Variants in KCNH1 observed in about 807,000 individuals in gnomAD.
KCNH1 encodes the protein voltage-gated delayed rectifier potassium channel KCNH1.
Under a neutral mutation model 69.2 loss-of-function variants are expected in KCNH1, and 27 were observed. The ratio of observed to expected loss-of-function variants is 0.39; its 90% confidence interval spans 0.29 to 0.54. The LOEUF (loss-of-function observed/expected upper bound fraction) is 0.54. KCNH1 is among the 20% of genes least tolerant of loss of function. The probability of loss-of-function intolerance (pLI) is 0.68; values close to 1 mark genes in which losing one functional copy is unlikely to be tolerated. For synonymous variants in KCNH1, 456 were observed against 487.7 expected (o/e 0.93, Z 0.86); for missense variants, 798 against 1,261.6 (o/e 0.63, Z 5.57).
intron 6 of KCNH1, among the ~76,000 whole-genome samples, chr1:210,998,409 CAAAGAAGGTCATTACATAATGGT>C (rs907464748): frequency 6.6e-6 from 1 of 152,122 alleles, no homozygotes; most frequent in Non-Finnish European, 1.5e-5. Flanking sequence ...TCAAAAGAGA[CAAAGAAGGTCATTACATAATGGT>C]AAAGGGATCA....
chr1:210,730,720 A>T (rs913088608), intron 10 of KCNH1, among the ~76,000 whole-genome samples: 1 of 152,138 alleles, frequency 6.6e-6, no homozygotes, highest in African/African-American at 2.4e-5. Context: ...TGGATTCCCT[A>T]CCTGGCCCTA....
Position 211,133,763 on chromosome 1 carries a change from G to T in KCNH1, c.79+104C>A. 9.2e-7 allele frequency: 1 copy of T among 1,091,974 alleles called. No homozygotes were observed. The highest frequency in any genetic ancestry group is 1.4e-6 in the Non-Finnish European group (1 of 731,978). 67.6% of individuals were successfully genotyped at this position (1,091,974 alleles called of 1,614,324 possible). On this transcript the variant is annotated intron_variant, in intron 1 of 10. Transcript: ENST00000271751. This position sits in a 1 kb window ranked among gnomAD's most constrained non-coding sequence, Gnocchi z 5.4. The stretch of plus-strand genomic sequence containing the variant: ...GCCCGCGCCGCGGCTCCTTAGCAGA[G>T]CTCGCGGGTTCTGCTGCATCTGCTG...
At chr1:211,119,537 C>G (rs1213230783) in intron 1 of KCNH1, among the ~76,000 whole-genome samples, 1 of 151,286 alleles carries the variant, frequency 6.6e-6, no homozygotes, top group African/African-American at 2.4e-5. Context: ...AAATCCATAC[C>G]AGAAATTACT....
chr1:210,737,984 C>A lies in KCNH1; in HGVS notation c.2112+37364G>T, dbSNP rs962722754. On this transcript the variant is annotated intron_variant, in intron 10 of 10. Coordinates refer to ENST00000271751, the MANE Select transcript of KCNH1 (RefSeq NM_172362.3). ...GCTCAAAACCCTCCAAAGATTCTAT[C>A]TCCCTTAGAATAAGAGCCAAAGTCC... Among the ~76,000 whole-genome samples, 15 of 152,350 alleles carry A rather than the reference C, an allele frequency of 9.8e-5. No individual in the cohort carries two copies. The South Asian group carries it at 1.2e-3, about 13-fold the overall frequency.
intron 5 of KCNH1, among the ~76,000 whole-genome samples, chr1:211,057,268 C>G (rs1333424300): frequency 6.6e-6 from 1 of 152,070 alleles, no homozygotes; most frequent in Non-Finnish European, 1.5e-5. Context: ...AATAGTAGAA[C>G]TGATCAAGCA....
chr1:210,791,923 A>G (rs1455262796), intron 9 of KCNH1, among the ~76,000 whole-genome samples: 2 of 152,194 alleles, frequency 1.3e-5, no homozygotes, highest in African/African-American at 4.8e-5. Context: ...AAATAAATAA[A>G]TAAAATAAAG....
chr1:211,018,709 T>G lies in KCNH1; in HGVS notation c.1032+74A>C, dbSNP rs148115243. On this transcript the variant is annotated intron_variant, in intron 6 of 10. Transcript: ENST00000271751. ...ATGCTATTTCCCACCCATTTAATTA[T>G]TCTTCTGTTGACCACCCACATTTAA... 335 of 1,144,640 alleles carry G rather than the reference T, an allele frequency of 2.9e-4. 1 individual carries two copies. In the African/African-American group the frequency reaches 4.7e-3, roughly 16 times the overall value. The allele number at this position is 1,144,640 out of a possible 1,614,324, so 70.9% of individuals were successfully genotyped here. A position where few individuals can be genotyped will look rare whatever the true frequency, so the allele number is the denominator to read the frequency against.
chr1:211,129,034 A>C (rs1263710923), intron 1 of KCNH1, among the ~76,000 whole-genome samples: 1 of 152,204 alleles, frequency 6.6e-6, no homozygotes, highest in Non-Finnish European at 1.5e-5. Flanking sequence ...ATCAGGAGGG[A>C]GGTTCTGGAG....
chr1:210,806,735 C>T (rs1347446107), intron 7 of KCNH1, among the ~76,000 whole-genome samples: 36 of 144,794 alleles, frequency 2.5e-4, no homozygotes, highest in Admixed American at 3.5e-4. Context: ...TTTGGGAGAC[C>T]GAGGCAGGCG....
chr1:210,955,087 A>G (rs1222238834), intron 6 of KCNH1, among the ~76,000 whole-genome samples: 3 of 152,230 alleles, frequency 2.0e-5, no homozygotes, highest in Non-Finnish European at 2.9e-5. Context: ...TATAAGGTGT[A>G]AGGAAGGGAT....
chr1:211,062,770 C>T (rs1008650471), intron 5 of KCNH1, among the ~76,000 whole-genome samples: 1 of 152,186 alleles, frequency 6.6e-6, no homozygotes, highest in African/African-American at 2.4e-5. Flanking sequence ...CATGTAACCC[C>T]AGTTAAAATG....
At chr1:210,916,004 G>A (rs1284956839) in intron 7 of KCNH1, among the ~76,000 whole-genome samples, 1 of 152,070 alleles carries the variant, frequency 6.6e-6, no homozygotes, top group Non-Finnish European at 1.5e-5. Flanking sequence ...GGAGTGCTAG[G>A]CCTGACTACC....
chr1:210,876,660 G>A (rs1042425423), intron 7 of KCNH1, among the ~76,000 whole-genome samples: 15 of 152,090 alleles, frequency 9.9e-5, no homozygotes, highest in Non-Finnish European at 2.2e-4. Context: ...TCTCTTGAGA[G>A]GCATTGAAAA....
chr1:210,798,668 A>T (rs371374744), intron 8 of KCNH1, among the ~76,000 whole-genome samples: 8 of 152,190 alleles, frequency 5.3e-5, no homozygotes, highest in East Asian at 3.9e-4. Flanking sequence ...ATAGGGTGTC[A>T]AGAGTCTAGT....
At chr1:210,928,737 TGAAAA>T (rs1405531068) in intron 6 of KCNH1, among the ~76,000 whole-genome samples, 7 of 151,818 alleles carry the variant, frequency 4.6e-5, no homozygotes, top group Middle Eastern at 3.2e-3. Flanking sequence ...AGAAAAAAGA[TGAAAA>T]GAAAAGATGG....
chr1:210,896,819 A>G (rs915507900), intron 7 of KCNH1, among the ~76,000 whole-genome samples: 2 of 152,208 alleles, frequency 1.3e-5, no homozygotes, highest in Non-Finnish European at 2.9e-5. Flanking sequence ...GTAAGAAAAA[A>G]AAACAGACTT....
chr1:210,792,279 A>C (rs772747059), intron 9 of KCNH1, among the ~76,000 whole-genome samples: 2 of 151,982 alleles, frequency 1.3e-5, no homozygotes, highest in Admixed American at 1.3e-4. Context: ...TATTTGTGGA[A>C]CCCAAATCTT....
chr1:211,011,042 CATAGGTAT>C (rs1689382073), intron 6 of KCNH1, among the ~76,000 whole-genome samples: 1 of 152,038 alleles, frequency 6.6e-6, no homozygotes, highest in Non-Finnish European at 1.5e-5. Flanking sequence ...AGGTTTGTTA[CATAGGTAT>C]ACACGTGCCA....
At chr1:210,723,574 A>G (rs1682523337) in intron 10 of KCNH1, among the ~76,000 whole-genome samples, 1 of 152,242 alleles carries the variant, frequency 6.6e-6, no homozygotes, top group Admixed American at 6.5e-5. Context: ...CAAAACAAAG[A>G]AAGACCTTCT....
Sources: gnomAD v4.1 joint callset for allele counts (sites outside exome capture counted in the v4.1 genomes callset) on GRCh38, gnomAD v4.1.1 for gene constraint, Gnocchi (gnomAD v3.1) non-coding constraint, MANE v1.5 for transcripts, NCBI Gene and HGNC (gene_info 2026-07-23, HGNC 2026-07-21) for gene names.